Variants in MALRD1 observed in about 807,000 individuals in gnomAD.
MALRD1 encodes the protein MAM and LDL-receptor class A domain-containing protein 1.
In MALRD1, 247 loss-of-function variants were observed where a neutral mutation model predicts 242.1. That is an observed-to-expected ratio of 1.02 (90% CI 0.92 to 1.13). The LOEUF (loss-of-function observed/expected upper bound fraction) is 1.13, where lower values mean the gene tolerates loss of function less well. MALRD1 is among the 50% of genes most tolerant of loss of function. MALRD1 has a pLI of 0.00. For missense variants in MALRD1, 2,989 were observed against 2,533.1 expected, an observed-to-expected ratio of 1.18 and a Z score of -3.86; for synonymous variants, 995 against 866.6, an observed-to-expected ratio of 1.15 and a Z score of -2.60.
intron 36 of MALRD1, among the ~76,000 whole-genome samples, chr10:19,678,675 C>A (rs530075314): frequency 1.3e-5 from 2 of 152,160 alleles, no homozygotes; most frequent in South Asian, 2.1e-4. Flanking sequence ...GCCAGAACTT[C>A]CAATTCTATG....
chr10:19,486,755 T>C (rs1205958130), intron 29 of MALRD1, among the ~76,000 whole-genome samples: 1 of 152,114 alleles, frequency 6.6e-6, no homozygotes, highest in Non-Finnish European at 1.5e-5. Context: ...TATATAATGA[T>C]TATATCTGGT....
intron 28 of MALRD1, among the ~76,000 whole-genome samples, chr10:19,433,902 A>T (rs1019893495): frequency 2.6e-5 from 4 of 152,180 alleles, no homozygotes; most frequent in Admixed American, 6.6e-5. Context: ...GCACACACAC[A>T]CAGGGATATT....
intron 23 of MALRD1, among the ~76,000 whole-genome samples, chr10:19,329,641 C>A (rs905058908): frequency 6.6e-6 from 1 of 152,140 alleles, no homozygotes; most frequent in Non-Finnish European, 1.5e-5. Context: ...TATGTAACTA[C>A]AAATGGCAGA....
At chr10:19,382,694 T>C (rs995727939) in intron 26 of MALRD1, among the ~76,000 whole-genome samples, 1 of 152,174 alleles carries the variant, frequency 6.6e-6, no homozygotes, top group African/African-American at 2.4e-5. Flanking sequence ...TTTCCTGGTC[T>C]GCTCTGGGAG....
intron 31 of MALRD1, among the ~76,000 whole-genome samples, chr10:19,507,608 TAAAC>T (rs1833200669): frequency 6.6e-6 from 1 of 152,204 alleles, no homozygotes; most frequent in South Asian, 2.1e-4. Context: ...ATATGAATTT[TAAAC>T]AATACATTGG....
chr10:19,652,545 A>G (rs149054378), intron 36 of MALRD1, among the ~76,000 whole-genome samples: 2 of 152,292 alleles, frequency 1.3e-5, no homozygotes, highest in East Asian at 1.9e-4. Context: ...GTTTTATGAA[A>G]TTCACTGTGT....
intron 21 of MALRD1, among the ~76,000 whole-genome samples, chr10:19,285,656 C>G (rs1039637833): frequency 2.0e-4 from 28 of 140,526 alleles, no homozygotes; most frequent in Non-Finnish European, 3.8e-4. Context: ...GTTACTGTAG[C>G]CTTGTAGTAT....
intron 26 of MALRD1, among the ~76,000 whole-genome samples, chr10:19,367,839 G>T (rs1055539641): frequency 1.3e-5 from 2 of 151,870 alleles, no homozygotes; most frequent in African/African-American, 4.8e-5. Flanking sequence ...ATTTTGATTT[G>T]CATTTCCCTG....
At chr10:19,484,444 T>G (rs935355212) in intron 29 of MALRD1, among the ~76,000 whole-genome samples, 3 of 152,190 alleles carry the variant, frequency 2.0e-5, no homozygotes, top group African/African-American at 7.2e-5. Context: ...AATTTACTAT[T>G]AGACAATATG....
intron 26 of MALRD1, among the ~76,000 whole-genome samples, chr10:19,367,327 CTTTAT>C (rs907036757): frequency 2.6e-5 from 4 of 152,088 alleles, no homozygotes; most frequent in Admixed American, 2.6e-4. Context: ...AGGCGATCAA[CTTTAT>C]TTTAGCTTCT....
At chr10:19,198,523 A>C (rs1281258535) in intron 14 of MALRD1, among the ~76,000 whole-genome samples, 1 of 152,182 alleles carries the variant, frequency 6.6e-6, no homozygotes, top group African/African-American at 2.4e-5. Flanking sequence ...TCTGTTGTAG[A>C]GGGAGTCACT....
intron 29 of MALRD1, among the ~76,000 whole-genome samples, chr10:19,475,553 T>C (rs1160905467): frequency 6.6e-6 from 1 of 152,220 alleles, no homozygotes; most frequent in Non-Finnish European, 1.5e-5. Context: ...AGCAAACCTA[T>C]TGAATTCTGA....
chr10:19,358,729 C>T (rs969088735), intron 26 of MALRD1, among the ~76,000 whole-genome samples: 2 of 152,110 alleles, frequency 1.3e-5, no homozygotes, highest in Non-Finnish European at 2.9e-5. Context: ...GTATGGAATA[C>T]AGTCGGTGTT....
Position 19,108,393 on chromosome 10 carries a change from T to TTTTTTTC in MALRD1, c.694+4324_694+4325insCTTTTTT, listed in dbSNP as rs1836551706. Among the ~76,000 whole-genome samples the TTTTTTTC allele has an allele frequency of 5.4e-4, 6 of 11,012 alleles. 1 individual carries two copies. Among genetic ancestry groups the TTTTTTTC allele is most frequent in the Non-Finnish European group, 8.8e-4 (6 of 6,810 alleles). 7.2% of individuals were successfully genotyped at this position (11,012 alleles called of 152,430 possible). A position where few individuals can be genotyped will look rare whatever the true frequency, so the allele number is the denominator to read the frequency against. On this transcript the variant is annotated intron_variant, in intron 5 of 39. Coordinates refer to ENST00000454679, the MANE Select transcript of MALRD1 (RefSeq NM_001142308.3). Reference sequence around the variant, plus strand: ...AGCTCATGAATTGTTTTTTCTTTTTTTTTTTTTTTTTTTTTTTTTTTTTTT... The same window carrying TTTTTTTC: ...AGCTCATGAATTGTTTTTTCTTTTTTTTTTTTCTTTTTTTTTTTTTTTTTTTTTTTTT...
Position 19,389,548 on chromosome 10 carries a change from C to T in MALRD1, c.4784C>T (p.Thr1595Ile). 6.4e-7 allele frequency: 1 copy of T among 1,550,706 alleles called. No individual in the cohort carries two copies. The highest frequency in any genetic ancestry group is 8.7e-7 in the Non-Finnish European group (1 of 1,146,944). The change falls in exon 28 of 40, where the codon ACC becomes ATC. Residue 1595 changes from threonine to isoleucine, a missense_variant. Physicochemically the swap from Thr to Ile is moderately conservative, Grantham distance 89. Transcript: ENST00000454679. ...TGGCGAGAATCCAGTGCAGCCTGCA[C>T]CATGAGCTTCTGGTATTTCGTATCT... ...TMWRESSAAC[T>I]MSFWYFVSAK...
intron 10 of MALRD1, among the ~76,000 whole-genome samples, chr10:19,138,244 G>T (rs1833420687): frequency 6.6e-6 from 1 of 152,080 alleles, no homozygotes; most frequent in Non-Finnish European, 1.5e-5. Context: ...CAAAACAAAC[G>T]ATGTAAGAGC....
chr10:19,516,238 TGTTA>T (rs1426656812), intron 31 of MALRD1, among the ~76,000 whole-genome samples: 1 of 152,206 alleles, frequency 6.6e-6, no homozygotes, highest in Non-Finnish European at 1.5e-5. Context: ...AAATAATTTG[TGTTA>T]GTTTCTATCT....
Position 19,667,302 on chromosome 10 carries a change from GA to G in MALRD1, c.6138-24971del, listed in dbSNP as rs111326341. 2.9e-3 allele frequency among the ~76,000 whole-genome samples: 436 copies of G among 150,914 alleles called. 8 individuals are homozygous for G. In the East Asian group the frequency reaches 0.06, roughly 21 times the overall value. On this transcript the variant is annotated intron_variant, in intron 36 of 39. Transcript: ENST00000454679. ...GAGATCTCGTCTCTATTTAAAAAAG[GA>G]AAAAAAAATATCTGGACTCAGTAAC...
At chr10:19,253,640 G>C (rs181199167) in intron 18 of MALRD1, among the ~76,000 whole-genome samples, 1 of 151,966 alleles carries the variant, frequency 6.6e-6, no homozygotes, top group African/African-American at 2.4e-5. Flanking sequence ...CCACACATAA[G>C]TGGACCAAGG....
Sources: allele counts gnomAD v4.1 joint callset (sites outside exome capture counted in the v4.1 genomes callset), GRCh38; gene constraint gnomAD v4.1.1; transcripts MANE v1.5; gene names NCBI Gene and HGNC (gene_info 2026-07-23, HGNC 2026-07-21).